RABGAP1L: variants seen among roughly 807,000 people sequenced by gnomAD.
RABGAP1L encodes rab GTPase-activating protein 1-like.
A neutral mutation model predicts 137.7 loss-of-function variants in RABGAP1L; 63 were observed. The observed-to-expected ratio is 0.46, with a 90% confidence interval of 0.37 to 0.56. The LOEUF is 0.56. Ranked by LOEUF, RABGAP1L falls within the 20% of genes least tolerant of loss-of-function variation. The pLI, the probability that RABGAP1L is intolerant of heterozygous loss-of-function variation, is 0.00. For synonymous variants in RABGAP1L, 431 were observed against 433.7 expected, an observed-to-expected ratio of 0.99 and a Z score of 0.08; for missense variants, 1,095 against 1,244.0, an observed-to-expected ratio of 0.88 and a Z score of 1.80.
chr1:174,542,784 G>A (rs1163405270), intron 13 of RABGAP1L, among the ~76,000 whole-genome samples: 1 of 152,106 alleles, frequency 6.6e-6, no homozygotes, highest in African/African-American at 2.4e-5. Flanking sequence ...AGAGATTCTG[G>A]TATGTTGTGT....
At chr1:174,241,302 A>G (rs548968645) in intron 4 of RABGAP1L, among the ~76,000 whole-genome samples, 181 bp from the exon 5 acceptor site, 73 of 152,094 alleles carry the variant, frequency 4.8e-4, no homozygotes, top group African/African-American at 1.7e-3. Context: ...CCTGGGGGAA[A>G]GAGCAAAACT....
At chr1:174,589,099 C>A (rs1014801912) in intron 13 of RABGAP1L, among the ~76,000 whole-genome samples, 1 of 152,170 alleles carries the variant, frequency 6.6e-6, no homozygotes, top group Non-Finnish European at 1.5e-5. Context: ...TCTCCACATC[C>A]TTGTCAGCAT....
intron 19 of RABGAP1L, among the ~76,000 whole-genome samples, chr1:174,816,806 C>T (rs185812976): frequency 6.7e-6 from 1 of 149,554 alleles, no homozygotes; most frequent in East Asian, 2.0e-4. Context: ...ATCCCTGCCT[C>T]CTGCAACCTT....
At chr1:174,183,693 A>G (rs1237469780) in intron 1 of RABGAP1L, among the ~76,000 whole-genome samples, 1 of 152,172 alleles carries the variant, frequency 6.6e-6, no homozygotes, top group African/African-American at 2.4e-5. Flanking sequence ...ACAAATGTAT[A>G]GTGACGTGTG....
intron 19 of RABGAP1L, chr1:174,874,578 C>CTTTTT (rs10530813): frequency 8.6e-6 from 2 of 232,804 alleles, no homozygotes; most frequent in African/African-American, 5.0e-5. Flanking sequence ...ACACCACTGC[C>CTTTTT]TTTTTTTTTT....
chr1:174,839,747 G>A (rs1234169884), intron 19 of RABGAP1L, among the ~76,000 whole-genome samples: 1 of 152,140 alleles, frequency 6.6e-6, no homozygotes, highest in Admixed American at 6.5e-5. Flanking sequence ...CCCAGGAGAG[G>A]GCTCTGTATA....
At chr1:174,305,691 T>A (rs1678155691) in intron 11 of RABGAP1L, among the ~76,000 whole-genome samples, 1 of 152,000 alleles carries the variant, frequency 6.6e-6, no homozygotes, top group South Asian at 2.1e-4. Flanking sequence ...TGCCCTCAAT[T>A]AATTTTTTAA....
intron 11 of RABGAP1L, among the ~76,000 whole-genome samples, chr1:174,369,683 T>C (rs926303913): frequency 6.6e-6 from 1 of 152,210 alleles, no homozygotes; most frequent in African/African-American, 2.4e-5. Context: ...TTCATTTGCT[T>C]TAACTTTTAA....
rs987993687 is a variant in RABGAP1L at position 174,836,984 on chromosome 1, A to G, written c.2340+25024A>G. 3.3e-5 allele frequency among the ~76,000 whole-genome samples: 5 copies of G among 152,352 alleles called. No individual in the cohort carries two copies. The East Asian group carries it at 9.6e-4, about 29-fold the overall frequency. On this transcript the variant is annotated intron_variant, in intron 19 of 25. Transcript: ENST00000681986. ...CACTTTGGGAGGCCAAGGTGGGCAA[A>G]TCACCTGAGGTCAGGAGTTCAAGAC... is the stretch of plus-strand genomic sequence containing the variant.
chr1:174,195,839 C>CTT (rs541907684), intron 1 of RABGAP1L, among the ~76,000 whole-genome samples: 28 of 91,870 alleles, frequency 3.0e-4, no homozygotes, highest in South Asian at 3.9e-4. Flanking sequence ...CCTTCTTCTT[C>CTT]TTTTTTTTTT....
intron 1 of RABGAP1L, among the ~76,000 whole-genome samples, chr1:174,163,838 C>G (rs981886954): frequency 6.6e-6 from 1 of 151,766 alleles, no homozygotes; most frequent in Non-Finnish European, 1.5e-5. Context: ...GTGTTATTTT[C>G]CCTGTTGCCT....
intron 1 of RABGAP1L, among the ~76,000 whole-genome samples, chr1:174,217,960 TAGAA>T (rs1480990669): frequency 2.6e-5 from 4 of 152,120 alleles, no homozygotes; most frequent in African/African-American, 7.2e-5. Context: ...GTAACCTAAT[TAGAA>T]AGAAAAATAA....
intron 13 of RABGAP1L, among the ~76,000 whole-genome samples, chr1:174,584,788 T>G (rs1668994951): frequency 6.6e-6 from 1 of 152,134 alleles, no homozygotes; most frequent in Non-Finnish European, 1.5e-5. Flanking sequence ...TTTCTATCAT[T>G]TTCTTCTTCC....
chr1:174,890,011 G>T (rs892823618), intron 19 of RABGAP1L, among the ~76,000 whole-genome samples: 4 of 152,126 alleles, frequency 2.6e-5, no homozygotes, highest in African/African-American at 9.7e-5. Context: ...AAGATTACAG[G>T]TGTGAGCCAC....
chr1:174,586,492 C>T (rs566591639), intron 13 of RABGAP1L, among the ~76,000 whole-genome samples: 11 of 152,012 alleles, frequency 7.2e-5, no homozygotes, highest in African/African-American at 1.9e-4. Flanking sequence ...CCATGACACA[C>T]GTTTACCTAT....
intron 13 of RABGAP1L, among the ~76,000 whole-genome samples, chr1:174,610,457 G>T (rs1249822539): frequency 6.6e-6 from 1 of 151,780 alleles, no homozygotes. Flanking sequence ...GTCTATCATT[G>T]TTGGACATTT....
chr1:174,417,761 A>T (rs80009340), intron 13 of RABGAP1L, among the ~76,000 whole-genome samples: 3,065 of 152,300 alleles, frequency 0.02, 110 homozygotes, highest in African/African-American at 0.071. Context: ...TTTGTGACTC[A>T]TTAGTGGACT....
intron 13 of RABGAP1L, among the ~76,000 whole-genome samples, chr1:174,501,440 C>T (rs1443339862): frequency 2.0e-5 from 3 of 152,138 alleles, no homozygotes; most frequent in African/African-American, 2.4e-5. Flanking sequence ...CCATGTGCCT[C>T]GGCCTCCCAA....
At chr1:174,183,126 A>G (rs1178555146) in intron 1 of RABGAP1L, among the ~76,000 whole-genome samples, 3 of 152,204 alleles carry the variant, frequency 2.0e-5, no homozygotes, top group African/African-American at 7.2e-5. Context: ...TCATCTTTAT[A>G]TACCTTGAAA....
Sources: gnomAD v4.1 joint callset for allele counts (sites outside exome capture counted in the v4.1 genomes callset) on GRCh38, gnomAD v4.1.1 for gene constraint, MANE v1.5 for transcripts, NCBI Gene and HGNC (gene_info 2026-07-23, HGNC 2026-07-21) for gene names.